The following RAPGEF4 variants were observed in gnomAD, a reference collection of about 807,000 sequenced individuals.
The protein encoded by RAPGEF4 is RAP guanine-nucleotide-exchange factor (GEF) 4.
In RAPGEF4, 66 loss-of-function variants were observed where a neutral mutation model predicts 147.9. The ratio of observed to expected loss-of-function variants is 0.45; its 90% CI spans 0.37 to 0.55. The LOEUF is 0.55. Among genes scored for constraint, RAPGEF4 ranks in the 20% least tolerant of loss-of-function variants. The pLI is 0.00. For missense variants in RAPGEF4, 1,071 were observed against 1,257.3 expected (o/e 0.85, Z 2.24); for synonymous variants, 419 against 442.7 (o/e 0.95, Z 0.67).
At position 173,017,386 on chromosome 2, in the gene RAPGEF4, T is replaced by C. The variant is rs757528602; in HGVS notation, c.1930-40T>C. 6 of 1,578,894 alleles carry C rather than the reference T, an allele frequency of 3.8e-6. No individual in the cohort carries two copies. The East Asian group carries it at 1.3e-4, about 35-fold the overall frequency. ...TCTCTGAGATGCTAGCATGCATTGG[T>C]CACTGTCCCTTATGGCACTTGCTGT... On this transcript the variant is annotated intron_variant, in intron 20 of 30. Coordinates refer to ENST00000397081, the MANE Select transcript of RAPGEF4 (RefSeq NM_007023.4).
chr2:172,817,630 T>A (rs1688631932), intron 4 of RAPGEF4, among the ~76,000 whole-genome samples: 1 of 152,028 alleles, frequency 6.6e-6, no homozygotes, highest in African/African-American at 2.4e-5. Flanking sequence ...AAAGAAGGCA[T>A]CAGATGGTGG....
At chr2:172,983,340 T>A (rs1691881700) in intron 10 of RAPGEF4, among the ~76,000 whole-genome samples, 156 bp from the exon 11 acceptor site, 1 of 152,236 alleles carries the variant, frequency 6.6e-6, no homozygotes. Flanking sequence ...CAAAAATCCC[T>A]TTAGGCATTA....
At chr2:172,798,438 A>G (rs1330590562) in intron 3 of RAPGEF4, among the ~76,000 whole-genome samples, 5 of 152,182 alleles carry the variant, frequency 3.3e-5, no homozygotes, top group Non-Finnish European at 5.9e-5. Context: ...TCTGAAAAGT[A>G]TGACCCATAA....
At chr2:172,980,708 T>A (rs1691588722) in intron 10 of RAPGEF4, among the ~76,000 whole-genome samples, 1 of 152,172 alleles carries the variant, frequency 6.6e-6, no homozygotes, top group South Asian at 2.1e-4. Flanking sequence ...TGAACCATGA[T>A]GTCAAATTTT....
chr2:172,797,007 T>C (rs1165384658), intron 2 of RAPGEF4, among the ~76,000 whole-genome samples: 1 of 152,172 alleles, frequency 6.6e-6, no homozygotes, highest in Non-Finnish European at 1.5e-5. Flanking sequence ...TAGAGCAAGA[T>C]CAGGTTCAAA....
chr2:172,969,890 T>C (rs1488223149), intron 10 of RAPGEF4, among the ~76,000 whole-genome samples: 1 of 152,196 alleles, frequency 6.6e-6, no homozygotes, highest in East Asian at 1.9e-4. Context: ...GCCCAGATTC[T>C]TCACAGAATA....
intron 4 of RAPGEF4, among the ~76,000 whole-genome samples, chr2:172,909,220 A>C (rs1320976309): frequency 6.6e-6 from 1 of 152,162 alleles, no homozygotes; most frequent in Admixed American, 6.6e-5. Flanking sequence ...CTCTGTAACA[A>C]AAGCCTGAGC....
At chr2:172,873,408 A>G (rs992455948) in intron 4 of RAPGEF4, among the ~76,000 whole-genome samples, 2 of 152,198 alleles carry the variant, frequency 1.3e-5, no homozygotes, top group African/African-American at 4.8e-5. Context: ...TGTCATCCAT[A>G]TTATAACCTT....
Position 173,041,290 on chromosome 2 carries a change from C to T in RAPGEF4, c.2853+4598C>T, listed in dbSNP as rs1398307143. Among the ~76,000 whole-genome samples the T allele has an allele frequency of 3.3e-5, 5 of 152,238 alleles. No homozygotes were observed. In the South Asian group the frequency reaches 6.2e-4, roughly 19 times the overall value. ...AAAAGAATCTCTAAGTAAAAATCTA[C>T]GTGTTCAAGTCCACCCTATTCCCAG... On this transcript the variant is annotated intron_variant, in intron 29 of 30. Coordinates refer to ENST00000397081, the MANE Select transcript of RAPGEF4 (RefSeq NM_007023.4).
intron 4 of RAPGEF4, among the ~76,000 whole-genome samples, chr2:172,905,749 C>T (rs1376192892): frequency 6.6e-6 from 1 of 152,204 alleles, no homozygotes; most frequent in Non-Finnish European, 1.5e-5. Flanking sequence ...CATAAATTGA[C>T]AAGCAGAATT....
chr2:172,741,161 T>C (rs2149417911), intron 1 of RAPGEF4, among the ~76,000 whole-genome samples: 1 of 152,356 alleles, frequency 6.6e-6, no homozygotes, highest in Middle Eastern at 3.4e-3. Flanking sequence ...GCTGCCACCT[T>C]TTCCAGTCAG....
At chr2:172,788,916 T>C (rs960803837) in intron 1 of RAPGEF4, among the ~76,000 whole-genome samples, 2 of 141,566 alleles carry the variant, frequency 1.4e-5, no homozygotes, top group Non-Finnish European at 3.1e-5. Context: ...TAAAATAAAA[T>C]AAATAAATAA....
At chr2:172,837,293 T>TG (rs1176343599) in intron 4 of RAPGEF4, among the ~76,000 whole-genome samples, 1 of 152,080 alleles carries the variant, frequency 6.6e-6, no homozygotes, top group East Asian at 1.9e-4. Flanking sequence ...CATTGGCCGG[T>TG]GGGGGTGATT....
intron 23 of RAPGEF4, among the ~76,000 whole-genome samples, chr2:173,022,730 C>A (rs1696231699): frequency 6.6e-6 from 1 of 152,178 alleles, no homozygotes; most frequent in Admixed American, 6.5e-5. Context: ...TGGAATAGAA[C>A]AAGTCTTAGT....
At chr2:172,912,812 T>A (rs1353531299) in intron 4 of RAPGEF4, among the ~76,000 whole-genome samples, 1 of 151,962 alleles carries the variant, frequency 6.6e-6, no homozygotes, top group East Asian at 1.9e-4. Flanking sequence ...CCTGCAGGCA[T>A]CAGTTTTGCT....
At chr2:172,750,254 G>C (rs1170019670) in intron 1 of RAPGEF4, among the ~76,000 whole-genome samples, 1 of 151,846 alleles carries the variant, frequency 6.6e-6, no homozygotes, top group African/African-American at 2.4e-5. Flanking sequence ...TGCTGATAAA[G>C]ACATATCCGA....
chr2:172,908,339 G>T lies in RAPGEF4; in HGVS notation c.445-9463G>T, dbSNP rs373730092. The stretch of plus-strand genomic sequence containing the variant: ...TTCTTCTCACATCCCTTTCTGCTCT[G>T]CTGGGTCCCACACTGGGTGTCTGCA... On this transcript the variant is annotated intron_variant, in intron 4 of 30. Transcript: ENST00000397081. 9.6e-4 allele frequency among the ~76,000 whole-genome samples: 146 copies of T among 152,320 alleles called. No individual in the cohort carries two copies. The South Asian group carries it at 0.017, about 18-fold the overall frequency.
rs939976553 is a variant in RAPGEF4 at position 172,992,552 on chromosome 2, C to A, written c.1490+1627C>A. ...CCCTGGAGGTCCCCTTGCTTGACTT[C>A]TTCATGTCATTGGGGAATGATCAAA... On this transcript the variant is annotated intron_variant, in intron 15 of 30. Transcript: ENST00000397081. 3.9e-5 allele frequency among the ~76,000 whole-genome samples: 6 copies of A among 152,198 alleles called. 1 individual carries two copies. The highest frequency in any genetic ancestry group is 1.2e-4 in the African/African-American group (5 of 41,458).
chr2:172,876,596 A>G (rs1288305735), intron 4 of RAPGEF4, among the ~76,000 whole-genome samples: 1 of 152,172 alleles, frequency 6.6e-6, no homozygotes, highest in Non-Finnish European at 1.5e-5. Context: ...CCAGGGATGA[A>G]GCCCACTTGA....
Sources: gnomAD v4.1 joint callset for allele counts (sites outside exome capture counted in the v4.1 genomes callset) on GRCh38, gnomAD v4.1.1 for gene constraint, MANE v1.5 for transcripts, NCBI Gene and HGNC (gene_info 2026-07-23, HGNC 2026-07-21) for gene names.